The following ABTB3 variants were observed in gnomAD, a reference collection of about 807,000 sequenced individuals.
ABTB3 encodes the protein ankyrin repeat and BTB domain containing 3, also known as ankyrin repeat- and BTB/POZ domain-containing protein 3.
At chr12:107,431,499 C>T in the ABTB3 span, among the ~76,000 whole-genome samples, 1 of 152,144 alleles carries the variant, frequency 6.6e-6, no homozygotes, top group East Asian at 1.9e-4. Context: ...ATCCCAGCTA[C>T]TCAGGAGGCT....
the ABTB3 span, among the ~76,000 whole-genome samples, chr12:107,454,299 G>A: frequency 6.6e-6 from 1 of 152,078 alleles, no homozygotes; most frequent in African/African-American, 2.4e-5. Flanking sequence ...AGAAGGTGAG[G>A]CCCCTTGTTA....
At chr12:107,587,894 A>G in the ABTB3 span, among the ~76,000 whole-genome samples, 8 of 152,226 alleles carry the variant, frequency 5.3e-5, no homozygotes, top group Non-Finnish European at 1.0e-4. Flanking sequence ...AAAGTACCAC[A>G]CACTGGCTGA....
chr12:107,541,126 T>G, the ABTB3 span, among the ~76,000 whole-genome samples: 1 of 152,248 alleles, frequency 6.6e-6, no homozygotes, highest in Non-Finnish European at 1.5e-5. Flanking sequence ...TGAACAGTCC[T>G]CTTGTCAGTC....
At chr12:107,464,687 TAGAGGG>T in the ABTB3 span, among the ~76,000 whole-genome samples, 1 of 151,914 alleles carries the variant, frequency 6.6e-6, no homozygotes, top group Non-Finnish European at 1.5e-5. Flanking sequence ...AGCACTCAGG[TAGAGGG>T]AGCAGCAGGT....
the ABTB3 span, among the ~76,000 whole-genome samples, chr12:107,592,092 A>C: frequency 1.5e-4 from 23 of 152,218 alleles, 1 homozygote; most frequent in Admixed American, 1.5e-3. Flanking sequence ...AATGCACTAC[A>C]TCCATCTAGC....
At chr12:107,565,385 A>G in the ABTB3 span, among the ~76,000 whole-genome samples, 2 of 152,136 alleles carry the variant, frequency 1.3e-5, no homozygotes, top group Non-Finnish European at 1.5e-5. Flanking sequence ...TGTATGCCAG[A>G]CGTAGATGAA....
chr12:107,562,056 T>A, the ABTB3 span, among the ~76,000 whole-genome samples: 1 of 152,330 alleles, frequency 6.6e-6, no homozygotes, highest in East Asian at 1.9e-4. Flanking sequence ...CATTAGACCT[T>A]GAGTTCACTG....
chr12:107,567,075 C>T, the ABTB3 span, among the ~76,000 whole-genome samples: 1 of 152,216 alleles, frequency 6.6e-6, no homozygotes, highest in African/African-American at 2.4e-5. Context: ...CAAGAGATTG[C>T]ACCACTGCAC....
At chr12:107,372,953 T>TA in the ABTB3 span, among the ~76,000 whole-genome samples, 4 of 152,226 alleles carry the variant, frequency 2.6e-5, no homozygotes, top group Non-Finnish European at 5.9e-5. Flanking sequence ...ATTGGCATTT[T>TA]GGCCTAGACA....
the ABTB3 span, among the ~76,000 whole-genome samples, chr12:107,628,602 T>A: frequency 2.0e-5 from 3 of 152,312 alleles, no homozygotes; most frequent in East Asian, 5.8e-4. Flanking sequence ...GTACATTTAA[T>A]AAGGAGGGCT....
the ABTB3 span, among the ~76,000 whole-genome samples, chr12:107,497,195 T>C: frequency 6.6e-6 from 1 of 150,988 alleles, no homozygotes; most frequent in Non-Finnish European, 1.5e-5. Context: ...ACCACCACCA[T>C]CACTATCACC....
At chr12:107,413,976 C>T in the ABTB3 span, among the ~76,000 whole-genome samples, 1 of 152,164 alleles carries the variant, frequency 6.6e-6, no homozygotes, top group African/African-American at 2.4e-5. Context: ...AGTTTATTTT[C>T]TCAGCCTGGG....
chr12:107,515,711 G>A, the ABTB3 span, among the ~76,000 whole-genome samples: 1 of 152,176 alleles, frequency 6.6e-6, no homozygotes, highest in Admixed American at 6.5e-5. Context: ...TGGCTGTCAA[G>A]GGAGAGGCAG....
At chr12:107,338,677 A>T in the ABTB3 span, among the ~76,000 whole-genome samples, 1 of 152,142 alleles carries the variant, frequency 6.6e-6, no homozygotes, top group Non-Finnish European at 1.5e-5. Flanking sequence ...CAACTCTTGG[A>T]CATATGAAGT....
the ABTB3 span, among the ~76,000 whole-genome samples, chr12:107,369,392 G>GTTTTTTTTTTTTTTTT: frequency 2.2e-5 from 3 of 134,904 alleles, no homozygotes; most frequent in Non-Finnish European, 1.6e-5. Context: ...TCAAACAAGG[G>GTTTTTTTTTTTTTTTT]TTTTTTTTTT....
At chr12:107,369,546 C>A in the ABTB3 span, among the ~76,000 whole-genome samples, 2 of 151,548 alleles carry the variant, frequency 1.3e-5, no homozygotes, top group African/African-American at 4.8e-5. Flanking sequence ...TACAGGCACC[C>A]ACCACCACAC....
chr12:107,572,747 G>A, the ABTB3 span, among the ~76,000 whole-genome samples: 38,841 of 152,110 alleles, frequency 0.26, 5,054 homozygotes, highest in East Asian at 0.32. Flanking sequence ...AAGAGAAAAG[G>A]AATCCTTCTC....
chr12:107,571,457 G>A, the ABTB3 span, among the ~76,000 whole-genome samples: 1 of 152,264 alleles, frequency 6.6e-6, no homozygotes, highest in Non-Finnish European at 1.5e-5. Flanking sequence ...TTTGGAGGCA[G>A]AAGCAGGCCC....
At chr12:107,475,634 C>A in the ABTB3 span, among the ~76,000 whole-genome samples, 8 of 152,276 alleles carry the variant, frequency 5.3e-5, no homozygotes, top group Admixed American at 5.2e-4. Flanking sequence ...CTTCTCTGGG[C>A]TCAGCTGAAA....
Sources: gnomAD v4.1 joint callset for allele counts (sites outside exome capture counted in the v4.1 genomes callset) on GRCh38, gnomAD v4.1.1 for gene constraint, MANE v1.5 for transcripts, NCBI Gene and HGNC (gene_info 2026-07-23, HGNC 2026-07-21) for gene names.